The following RET variants were observed in gnomAD, a reference collection of about 807,000 sequenced individuals.
RET encodes proto-oncogene tyrosine-protein kinase receptor Ret.
RET carries 19 observed loss-of-function variants against 118.3 expected under a neutral mutation model. The observed-to-expected ratio is 0.16, with a 90% CI of 0.11 to 0.24. The LOEUF (loss-of-function observed/expected upper bound fraction) is 0.24. Among genes scored for constraint, RET ranks in the 10% least tolerant of loss-of-function variants. The pLI is 1.00. For synonymous variants in RET, 597 were observed against 644.1 expected, an observed-to-expected ratio of 0.93 and a Z score of 1.11; for missense variants, 1,219 against 1,502.1, an observed-to-expected ratio of 0.81 and a Z score of 3.12.
At chr10:43,105,286 C>A in intron 4 of RET, 93 bp downstream of exon 4, 1 of 1,564,268 alleles carries the variant, frequency 6.4e-7, no homozygotes, top group Non-Finnish European at 8.7e-7. Context: ...GCCACCCAAC[C>A]GTGTGGCCGA....
intron 6 of RET, 126 bp from the exon 7 acceptor site, chr10:43,111,081 G>A (rs1242535598): frequency 5.1e-6 from 7 of 1,360,046 alleles, no homozygotes; most frequent in Non-Finnish European, 7.2e-6. Flanking sequence ...GGTGCTCGGG[G>A]GGGCTGCTGT....
At chr10:43,081,306 T>TTAATAGTAACAA (rs57440522) in intron 1 of RET, among the ~76,000 whole-genome samples, 56,074 of 151,658 alleles carry the variant, frequency 0.37, 10,539 homozygotes, top group South Asian at 0.42. Flanking sequence ...GCAGAGTGAC[T>TTAATAGTAACAA]TAATAGTAAC....
chr10:43,127,378 A>AT (rs1838359183), intron 19 of RET: 1 of 1,063,532 alleles, frequency 9.4e-7, no homozygotes, highest in Non-Finnish European at 1.1e-6. Context: ...TTATGAAGTC[A>AT]GTGCTAAAGC....
At chr10:43,107,729 AGGT>A (rs1436255370) in intron 5 of RET, among the ~76,000 whole-genome samples, 5 of 152,168 alleles carry the variant, frequency 3.3e-5, no homozygotes, top group African/African-American at 9.7e-5. Context: ...CCCAGGTCCA[AGGT>A]GGTGGAGTTA....
chr10:43,081,268 C>G lies in RET; in HGVS notation c.73+3937C>G, dbSNP rs12241059. Reference sequence around the variant, plus strand: ...CCCCGTTCTCTGCTGTGCCCTCTATCTCCCCACTCCTCTGCAATTATTTTT... The same window carrying G: ...CCCCGTTCTCTGCTGTGCCCTCTATGTCCCCACTCCTCTGCAATTATTTTT... On this transcript the variant is annotated intron_variant, in intron 1 of 19. Coordinates refer to ENST00000355710, the MANE Select transcript of RET (RefSeq NM_020975.6). Among the ~76,000 whole-genome samples the G allele has an allele frequency of 2.9e-3, 435 of 152,026 alleles. 1 individual carries two copies. The highest frequency in any genetic ancestry group is 9.9e-3 in the African/African-American group (410 of 41,440).
In RET at chr10:43,077,138, C is replaced by T. The variant is rs1294751911; in HGVS notation, c.-121C>T. 1 of 1,278,042 alleles carries T rather than the reference C, an allele frequency of 7.8e-7. No homozygotes were observed. Among genetic ancestry groups the T allele is most frequent in the Non-Finnish European group, 9.9e-7 (1 of 1,005,914 alleles). 79.2% of individuals were successfully genotyped at this position (1,278,042 alleles called of 1,614,324 possible). ...GGAACGTGCGTCGCGCCCCCAGTGTCCGTCGCGTCCGCCGCGCCCCGGGCG... is the reference window on the plus strand; with the variant it reads ...GGAACGTGCGTCGCGCCCCCAGTGTTCGTCGCGTCCGCCGCGCCCCGGGCG... On this transcript the variant is annotated 5_prime_UTR_variant, in exon 1 of 20. Coordinates refer to ENST00000355710, the MANE Select transcript of RET (RefSeq NM_020975.6).
chr10:43,119,497 C>T (rs1228736088), intron 13 of RET, 34 bp from the exon 14 acceptor site: 4 of 1,562,524 alleles, frequency 2.6e-6, no homozygotes, highest in Non-Finnish European at 3.5e-6. Context: ...GCTGCCTGAC[C>T]CGCACGCCCA....
Position 43,128,681 on chromosome 10 carries a change from A to C in RET, c.*412A>C. ...CGCCAAACAAGGCAAAAAAATTTAA[A>C]CATGAAGCACACACACAAAAAAGGC... On this transcript the variant is annotated 3_prime_UTR_variant, in exon 20 of 20. Coordinates refer to ENST00000355710, the MANE Select transcript of RET (RefSeq NM_020975.6). 2.6e-6 allele frequency: 1 copy of C among 392,076 alleles called. No homozygotes were observed. The highest frequency in any genetic ancestry group is 2.8e-5 in the South Asian group (1 of 35,458). 24.3% of individuals were successfully genotyped at this position (392,076 alleles called of 1,614,324 possible). A position where few individuals can be genotyped will look rare whatever the true frequency, so the allele number is the denominator to read the frequency against.
At chr10:43,098,027 AT>A (rs1837557980) in intron 1 of RET, among the ~76,000 whole-genome samples, 1 of 152,100 alleles carries the variant, frequency 6.6e-6, no homozygotes, top group Non-Finnish European at 1.5e-5. Flanking sequence ...GATTTTAAGC[AT>A]TTTTTGCCTA....
rs982018125 is a variant in RET, at chr10:43,129,251, A to C, written c.*982A>C. On this transcript the variant is annotated 3_prime_UTR_variant, in exon 20 of 20. Coordinates refer to ENST00000355710, the MANE Select transcript of RET (RefSeq NM_020975.6). Reference sequence around the variant, plus strand: ...TAGGGCTTGTACTCACTTTAATTTGAATCTTATCAACTTACTCATAAAGGG... The same window carrying C: ...TAGGGCTTGTACTCACTTTAATTTGCATCTTATCAACTTACTCATAAAGGG... 1.3e-5 allele frequency: 3 copies of C among 233,390 alleles called. No homozygotes were observed. The highest frequency in any genetic ancestry group is 6.6e-5 in the African/African-American group (3 of 45,282). 14.5% of individuals were successfully genotyped at this position (233,390 alleles called of 1,614,324 possible).
chr10:43,116,418 G>A lies in RET; in HGVS notation c.2137-166G>A, dbSNP rs529847759. On this transcript the variant is annotated intron_variant, in intron 11 of 19. Coordinates refer to ENST00000355710, the MANE Select transcript of RET (RefSeq NM_020975.6). ...TTCAGGGGCCTGGCTGTGGGGTCCT[G>A]CCCAGGGCAGAGACAGGCAGCGTTG... Among the ~76,000 whole-genome samples the A allele has an allele frequency of 2.2e-4, 34 of 152,314 alleles. No homozygotes were observed. In the South Asian group the frequency reaches 4.6e-3, roughly 20 times the overall value.
rs1030128444 is a variant in RET, at chr10:43,090,837, G to A, written c.74-9622G>A. Among the ~76,000 whole-genome samples the A allele has an allele frequency of 8.0e-5, 12 of 149,670 alleles. No individual in the cohort carries two copies. In the East Asian group the frequency reaches 9.9e-4, roughly 12 times the overall value. On this transcript the variant is annotated intron_variant, in intron 1 of 19. Coordinates refer to ENST00000355710, the MANE Select transcript of RET (RefSeq NM_020975.6). ...CCTGGCACCGAGGGCTGGCCCTAGC[G>A]GCCCAGCCCTTGTGAGCCCTCACAC...
chr10:43,091,459 T>C (rs1837408135), intron 1 of RET, among the ~76,000 whole-genome samples: 1 of 151,700 alleles, frequency 6.6e-6, no homozygotes, highest in South Asian at 2.1e-4. Context: ...TGAAACCTTG[T>C]CTCTACTAAA....
At chr10:43,082,535 C>T (rs1837207289) in intron 1 of RET, among the ~76,000 whole-genome samples, 1 of 152,152 alleles carries the variant, frequency 6.6e-6, no homozygotes, top group Non-Finnish European at 1.5e-5. Context: ...ACCTGTGGCC[C>T]TACAGCCCCA....
intron 16 of RET, among the ~76,000 whole-genome samples, chr10:43,123,035 A>G (rs916292009): frequency 6.6e-6 from 1 of 152,228 alleles, no homozygotes; most frequent in African/African-American, 2.4e-5. Flanking sequence ...ACTGAATGTC[A>G]TTGGACCACA....
At chr10:43,077,517 C>A (rs1227348936) in intron 1 of RET, among the ~76,000 whole-genome samples, 186 bp downstream of exon 1, 1 of 123,382 alleles carries the variant, frequency 8.1e-6, no homozygotes, top group African/African-American at 2.9e-5. Flanking sequence ...CAGGACGCCT[C>A]GGGCCGGGCG....
intron 18 of RET, 132 bp downstream of exon 18, chr10:43,125,114 T>A: frequency 1.2e-6 from 1 of 826,142 alleles, no homozygotes; most frequent in Non-Finnish European, 2.0e-6. Context: ...AGAGAGAGAG[T>A]CATGCTCTCC....
At chr10:43,105,852 A>G (rs917619874) in intron 4 of RET, among the ~76,000 whole-genome samples, 20 of 145,458 alleles carry the variant, frequency 1.4e-4, no homozygotes, top group Non-Finnish European at 2.6e-4. Flanking sequence ...CTGGGGTGAC[A>G]GCAGAGGCCT....
In RET at chr10:43,102,467, C is replaced by G. The variant is rs1356388972; in HGVS notation, c.463C>G (p.Pro155Ala). Residue 155 changes from proline (P) to alanine (A), a missense_variant, in exon 3 of 20, where the codon CCA becomes GCA. This residue lies in a region of RET where 850 missense variants were observed against 969.6 expected (regional missense o/e 0.88). Coordinates refer to ENST00000355710, the MANE Select transcript of RET (RefSeq NM_020975.6). ...CTTCTCCTTCTTCAACACCTCCTTT[C>G]CAGCCTGCAGCTCCCTCAAGCCCCG... ...VYFSFFNTSF[P>A]ACSSLKPREL... is the part of the protein sequence containing the mutation. 1 of 1,614,262 alleles carries G rather than the reference C, an allele frequency of 6.2e-7. No individual in the cohort carries two copies. Among genetic ancestry groups the G allele is most frequent in the South Asian group, 1.1e-5 (1 of 91,088 alleles).
Sources: allele counts gnomAD v4.1 joint callset (sites outside exome capture counted in the v4.1 genomes callset), GRCh38; gene constraint gnomAD v4.1.1; regional missense constraint gnomAD v4.1.1; transcripts MANE v1.5; gene names NCBI Gene and HGNC (gene_info 2026-07-23, HGNC 2026-07-21).